Variants in SNX27 observed in about 807,000 individuals in gnomAD.
The protein encoded by SNX27 is sorting nexin 27.
In SNX27, 22 loss-of-function variants were observed where a neutral mutation model predicts 71.6. That is an observed-to-expected ratio of 0.31 (90% CI 0.22 to 0.44). The LOEUF (loss-of-function observed/expected upper bound fraction) is 0.44, where lower values mean the gene tolerates loss of function less well. Among genes scored for constraint, SNX27 ranks in the 20% least tolerant of loss-of-function variants. The pLI is 1.00. For synonymous variants in SNX27, 269 were observed against 277.2 expected (o/e 0.97, Z 0.29); for missense variants, 531 against 698.6 (o/e 0.76, Z 2.70).
intron 7 of SNX27, among the ~76,000 whole-genome samples, chr1:151,682,512 G>C (rs371003850): frequency 1.3e-5 from 2 of 151,906 alleles, no homozygotes; most frequent in African/African-American, 4.8e-5. Flanking sequence ...TAGTAGAGAC[G>C]GGGTTTCATC....
At chr1:151,619,813 A>G (rs1214568806) in intron 1 of SNX27, among the ~76,000 whole-genome samples, 1 of 152,202 alleles carries the variant, frequency 6.6e-6, no homozygotes, top group East Asian at 1.9e-4. Flanking sequence ...CACACTGTAT[A>G]TAAAGAACTG....
At chr1:151,632,319 G>A (rs1243956407) in intron 1 of SNX27, among the ~76,000 whole-genome samples, 7 of 151,066 alleles carry the variant, frequency 4.6e-5, no homozygotes, top group African/African-American at 1.5e-4. Context: ...CACCACGCCC[G>A]GCTAATTTTT....
chr1:151,630,301 A>G (rs1668165548), intron 1 of SNX27, among the ~76,000 whole-genome samples: 2 of 152,144 alleles, frequency 1.3e-5, no homozygotes, highest in Non-Finnish European at 1.5e-5. Flanking sequence ...TTATATCTTT[A>G]GATGCATATT....
Position 151,662,046 on chromosome 1 carries a change from C to T in SNX27, c.802-120C>T, listed in dbSNP as rs541811185. 141 of 595,698 alleles carry T rather than the reference C, an allele frequency of 2.4e-4. 1 individual carries two copies. Among genetic ancestry groups the T allele is most frequent in the Non-Finnish European group, 3.8e-4 (128 of 335,894 alleles). 36.9% of individuals were successfully genotyped at this position (595,698 alleles called of 1,614,324 possible). A position where few individuals can be genotyped will look rare whatever the true frequency, so the allele number is the denominator to read the frequency against. ...CTTGTAAATGTATTGATTTTTTTCC[C>T]GTTTTCATTGGAACTCACTTCTTCT... On this transcript the variant is annotated intron_variant, in intron 4 of 11. Transcript: ENST00000458013.
chr1:151,683,797 G>GC (rs1435357588), intron 8 of SNX27, among the ~76,000 whole-genome samples: 2 of 152,088 alleles, frequency 1.3e-5, no homozygotes, highest in Admixed American at 6.5e-5. Context: ...TTCCCGAGTA[G>GC]CTGGGACTAC....
At chr1:151,640,019 G>A (rs1320352429) in intron 2 of SNX27, among the ~76,000 whole-genome samples, 2 of 152,298 alleles carry the variant, frequency 1.3e-5, no homozygotes. Context: ...GCATAGGAAC[G>A]AGCTACTAAA....
intron 2 of SNX27, among the ~76,000 whole-genome samples, chr1:151,649,752 C>T (rs1669236531): frequency 6.6e-6 from 1 of 151,950 alleles, no homozygotes; most frequent in African/African-American, 2.4e-5. Context: ...GTCATCCAGG[C>T]TGGAGTGCAA....
chr1:151,645,198 A>G (rs928348854), intron 2 of SNX27, among the ~76,000 whole-genome samples: 50 of 152,204 alleles, frequency 3.3e-4, no homozygotes, highest in African/African-American at 1.2e-3. Context: ...ATATCTTGGC[A>G]TCATTGTGGA....
At chr1:151,624,221 C>T (rs929882549) in intron 1 of SNX27, among the ~76,000 whole-genome samples, 1 of 151,964 alleles carries the variant, frequency 6.6e-6, no homozygotes, top group East Asian at 1.9e-4. Flanking sequence ...CTGCCTTGGC[C>T]TCCCAAAGTG....
At chr1:151,657,267 G>A (rs1669739966) in intron 2 of SNX27, among the ~76,000 whole-genome samples, 1 of 152,084 alleles carries the variant, frequency 6.6e-6, no homozygotes, top group Non-Finnish European at 1.5e-5. Flanking sequence ...TCTGCCTCCT[G>A]GATTCAAACA....
intron 3 of SNX27, among the ~76,000 whole-genome samples, chr1:151,659,364 C>T (rs968260497): frequency 2.0e-5 from 3 of 152,180 alleles, no homozygotes; most frequent in East Asian, 1.9e-4. Context: ...TCTCCTGCCT[C>T]GGCCTCCCGA....
intron 7 of SNX27, among the ~76,000 whole-genome samples, chr1:151,670,722 C>T (rs1237760009): frequency 1.3e-5 from 2 of 152,022 alleles, no homozygotes; most frequent in Non-Finnish European, 2.9e-5. Context: ...TATTTTCTCC[C>T]ATTCTGTGAG....
chr1:151,641,620 T>TGTATC (rs1345182042), intron 2 of SNX27, among the ~76,000 whole-genome samples: 241 of 133,524 alleles, frequency 1.8e-3, no homozygotes, highest in African/African-American at 6.9e-3. Flanking sequence ...TATATATATA[T>TGTATC]ATATATATAT....
chr1:151,630,369 AGAT>A (rs1239559767), intron 1 of SNX27, among the ~76,000 whole-genome samples: 1 of 152,168 alleles, frequency 6.6e-6, no homozygotes, highest in Non-Finnish European at 1.5e-5. Context: ...CTCATATTCT[AGAT>A]GATAAAAGTT....
rs1173623504 is a variant in SNX27 at position 151,612,890 on chromosome 1, G to GT, written c.311+381dup. ...ACCTCATCTGCTCCTTACTGACGGC[G>GT]TTTCGTTTTCTGATCCAGCCAGTAC... is the stretch of plus-strand genomic sequence containing the variant. On this transcript the variant is annotated intron_variant, in intron 1 of 11. Coordinates refer to ENST00000458013, the MANE Select transcript of SNX27 (RefSeq NM_001330723.2). The surrounding 1 kb of genome is among the most constrained non-coding windows in gnomAD (Gnocchi z 5.2). Among the ~76,000 whole-genome samples, 3 of 151,982 alleles carry GT rather than the reference G, an allele frequency of 2.0e-5. No individual in the cohort carries two copies. The highest frequency in any genetic ancestry group is 6.6e-5 in the Admixed American group (1 of 15,258).
intron 2 of SNX27, among the ~76,000 whole-genome samples, chr1:151,639,349 TTAGA>T (rs34371022): frequency 0.19 from 28,891 of 152,014 alleles, 3,063 homozygotes; most frequent in Middle Eastern, 0.34. Flanking sequence ...CATTTTATTT[TTAGA>T]TAGTTTCAAG....
intron 2 of SNX27, among the ~76,000 whole-genome samples, chr1:151,642,791 A>G (rs1051689378): frequency 1.3e-5 from 2 of 151,932 alleles, no homozygotes; most frequent in African/African-American, 4.8e-5. Context: ...AGTGTCTGCC[A>G]CCATGTCCGG....
chr1:151,681,822 T>C (rs1301959609), intron 7 of SNX27, among the ~76,000 whole-genome samples: 1 of 152,244 alleles, frequency 6.6e-6, no homozygotes, highest in East Asian at 1.9e-4. Context: ...AGTCTGCCTA[T>C]CCAGCATTAT....
chr1:151,612,404 G>A lies in SNX27; in HGVS notation c.203G>A (p.Arg68Gln), dbSNP rs1667217261. Residue 68 changes from arginine to glutamine, a missense_variant, in exon 1 of 12, where the codon CGG (arginine) becomes CAG (glutamine). Arg to Gln is a conservative substitution (Grantham distance 43, BLOSUM62 1). Coordinates refer to ENST00000458013, the MANE Select transcript of SNX27 (RefSeq NM_001330723.2). The surrounding 1 kb of genome is among the most constrained non-coding windows in gnomAD (Gnocchi z 5.2). ...RGQVSEGGQL[R>Q]SINGELYAPL... Reference sequence around the variant, plus strand: ...CAAGTGAGCGAGGGCGGGCAACTGCGGAGCATCAACGGGGAGCTGTACGCG... The same window carrying A: ...CAAGTGAGCGAGGGCGGGCAACTGCAGAGCATCAACGGGGAGCTGTACGCG... The A allele has an allele frequency of 1.3e-6, 2 of 1,520,772 alleles. No individual in the cohort carries two copies. The highest frequency in any genetic ancestry group is 1.8e-6 in the Non-Finnish European group (2 of 1,136,554). The allele number at this position is 1,520,772 out of a possible 1,614,324, so 94.2% of individuals were successfully genotyped here. A position where few individuals can be genotyped will look rare whatever the true frequency, so the allele number is the denominator to read the frequency against.
Sources: allele counts gnomAD v4.1 joint callset (sites outside exome capture counted in the v4.1 genomes callset), GRCh38; gene constraint gnomAD v4.1.1; non-coding constraint Gnocchi (gnomAD v3.1); transcripts MANE v1.5; gene names NCBI Gene and HGNC (gene_info 2026-07-23, HGNC 2026-07-21).